Variants in RBM46 observed in about 807,000 individuals in gnomAD.
RBM46 encodes the protein RNA binding motif protein 46.
In RBM46, 12 loss-of-function variants were observed where a neutral mutation model predicts 43.3. That is an observed-to-expected ratio of 0.28 (90% CI 0.18 to 0.45). The LOEUF is 0.45. RBM46 is among the 20% of genes least tolerant of loss of function. The probability of loss-of-function intolerance (pLI) is 1.00; values close to 1 mark genes in which losing one functional copy is unlikely to be tolerated. For synonymous variants in RBM46, 205 were observed against 207.6 expected (o/e 0.99, Z 0.11); for missense variants, 412 against 639.1 (o/e 0.64, Z 3.83).
chr4:154,783,765 T>G (rs1733622864), intron 1 of RBM46, among the ~76,000 whole-genome samples: 1 of 142,956 alleles, frequency 7.0e-6, no homozygotes, highest in South Asian at 2.1e-4. Flanking sequence ...ATATTAAAAC[T>G]TTTATCCATT....
chr4:154,814,961 G>A (rs559807726), intron 4 of RBM46, among the ~76,000 whole-genome samples: 2 of 151,612 alleles, frequency 1.3e-5, no homozygotes, highest in African/African-American at 4.8e-5. Context: ...CACCACCGAG[G>A]TAAAGACATA....
intron 4 of RBM46, chr4:154,827,426 G>T: frequency 4.0e-6 from 4 of 994,760 alleles, no homozygotes; most frequent in Non-Finnish European, 4.8e-6. Context: ...CAGTCCAGGG[G>T]TGAATGTTTC....
Position 154,828,541 on chromosome 4 carries a change from CAA to C in RBM46, c.*478_*479del, listed in dbSNP as rs1736071402. 1 of 153,300 alleles carries C rather than the reference CAA, an allele frequency of 6.5e-6. No individual in the cohort carries two copies. Among genetic ancestry groups the C allele is most frequent in the African/African-American group, 2.4e-5 (1 of 41,346 alleles). 9.5% of individuals were successfully genotyped at this position (153,300 alleles called of 1,614,324 possible). On this transcript the variant is annotated 3_prime_UTR_variant, in exon 5 of 5. Transcript: ENST00000281722. ...CATTATGTAAAAAGAAATGATGAGA[CAA>C]AAAGATTAAGATACAAATTTTGTGC...
intron 1 of RBM46, among the ~76,000 whole-genome samples, chr4:154,788,348 C>G (rs183590670): frequency 4.0e-5 from 6 of 151,870 alleles, no homozygotes; most frequent in Non-Finnish European, 8.8e-5. Flanking sequence ...TAATCCATCT[C>G]GAATTAATTT....
At chr4:154,822,834 A>G (rs1735783161) in intron 4 of RBM46, among the ~76,000 whole-genome samples, 1 of 151,800 alleles carries the variant, frequency 6.6e-6, no homozygotes, top group African/African-American at 2.4e-5. Flanking sequence ...GTAAAATAGT[A>G]TAGTCTTAGC....
chr4:154,827,690 C>G, intron 4 of RBM46, 178 bp from the exon 5 acceptor site: 4 of 1,417,708 alleles, frequency 2.8e-6, no homozygotes, highest in Non-Finnish European at 3.7e-6. Flanking sequence ...ACAAAACTCT[C>G]AGGATTTGCA....
At chr4:154,797,772 C>T (rs1734424509) in intron 2 of RBM46, 39 bp from the exon 3 acceptor site, 1 of 1,322,254 alleles carries the variant, frequency 7.6e-7, no homozygotes, top group African/African-American at 1.5e-5. Flanking sequence ...TACAAATATC[C>T]AATTAGAATT....
intron 4 of RBM46, among the ~76,000 whole-genome samples, chr4:154,822,358 T>C (rs1735757982): frequency 6.6e-6 from 1 of 151,378 alleles, no homozygotes; most frequent in African/African-American, 2.4e-5. Context: ...CTTTAGATAA[T>C]TTAAAATTTC....
At chr4:154,789,285 C>G (rs978891060) in intron 1 of RBM46, among the ~76,000 whole-genome samples, 1 of 152,060 alleles carries the variant, frequency 6.6e-6, no homozygotes, top group African/African-American at 2.4e-5. Context: ...CAGTGTTCGC[C>G]CATTCAGTAT....
At chr4:154,787,357 C>T (rs1055875338) in intron 1 of RBM46, 5 of 127,578 alleles carry the variant, frequency 3.9e-5, no homozygotes, top group Admixed American at 8.4e-5. Flanking sequence ...TGACAGGCCC[C>T]GATGTGTGAT....
intron 1 of RBM46, among the ~76,000 whole-genome samples, chr4:154,796,037 G>A (rs986500227): frequency 5.3e-5 from 8 of 152,240 alleles, no homozygotes; most frequent in East Asian, 1.9e-4. Flanking sequence ...GCATGGTGGT[G>A]TGTGCCTGCA....
At chr4:154,819,950 G>A (rs1735648676) in intron 4 of RBM46, among the ~76,000 whole-genome samples, 1 of 152,020 alleles carries the variant, frequency 6.6e-6, no homozygotes, top group South Asian at 2.1e-4. Flanking sequence ...TGTTTCATAT[G>A]TAAAATAACT....
chr4:154,785,279 A>G (rs1733705407), intron 1 of RBM46, among the ~76,000 whole-genome samples: 1 of 152,068 alleles, frequency 6.6e-6, no homozygotes, highest in Non-Finnish European at 1.5e-5. Context: ...CATTGTAAGA[A>G]CCTAAATAAT....
At chr4:154,798,469 T>TA (rs1734455482) in intron 3 of RBM46, among the ~76,000 whole-genome samples, 191 bp downstream of exon 3, 1 of 152,218 alleles carries the variant, frequency 6.6e-6, no homozygotes, top group Admixed American at 6.5e-5. Context: ...GAGTCCTATT[T>TA]ATGATATTTT....
rs566855580 is a variant in RBM46 at position 154,810,398 on chromosome 4, G to C, written c.1402+10834G>C. Among the ~76,000 whole-genome samples the C allele has an allele frequency of 5.3e-5, 8 of 152,248 alleles. No individual in the cohort carries two copies. In the South Asian group the frequency reaches 8.3e-4, roughly 16 times the overall value. On this transcript the variant is annotated intron_variant, in intron 4 of 4. Coordinates refer to ENST00000281722, the MANE Select transcript of RBM46 (RefSeq NM_144979.5). ...AACCTTGACAACTTGGGTGAGCTTG[G>C]AAACGCCATAATATGTAATAGGACA...
Position 154,798,058 on chromosome 4 carries a change from T to G in RBM46, c.399T>G (p.Gly133=). ...NYEIRPGKFI[G]VCVSLDNCRL... ...AAATTCGACCAGGGAAGTTTATTGG[T>G]GTGTGTGTAAGCCTGGATAATTGTA... is the stretch of plus-strand genomic sequence containing the variant. Residue 133 remains glycine, a synonymous_variant, in exon 3 of 5, where the codon GGT becomes GGG. Transcript: ENST00000281722. 1 of 1,613,550 alleles carries G rather than the reference T, an allele frequency of 6.2e-7. No individual in the cohort carries two copies.
Position 154,810,797 on chromosome 4 carries a change from C to T in RBM46, c.1402+11233C>T, listed in dbSNP as rs140634083. ...TACCACTTGGAATATAATGGCCTTGCCATTTTCAAGCCCTCTGAGAAATTT... is the reference window on the plus strand; with the variant it reads ...TACCACTTGGAATATAATGGCCTTGTCATTTTCAAGCCCTCTGAGAAATTT... On this transcript the variant is annotated intron_variant, in intron 4 of 4. Coordinates refer to ENST00000281722, the MANE Select transcript of RBM46 (RefSeq NM_144979.5). Among the ~76,000 whole-genome samples the T allele has an allele frequency of 3.8e-3, 571 of 152,258 alleles. 3 individuals carry two copies. Among genetic ancestry groups the T allele is most frequent in the Middle Eastern group, 0.014 (4 of 294 alleles).
At chr4:154,805,112 G>A (rs1444166225) in intron 4 of RBM46, among the ~76,000 whole-genome samples, 1 of 152,072 alleles carries the variant, frequency 6.6e-6, no homozygotes, top group South Asian at 2.1e-4. Context: ...TGGTTTAATG[G>A]CAGGTAGTTC....
At chr4:154,782,738 C>A (rs1422514713) in intron 1 of RBM46, among the ~76,000 whole-genome samples, 1 of 152,202 alleles carries the variant, frequency 6.6e-6, no homozygotes, top group Admixed American at 6.5e-5. Flanking sequence ...GCTTCGGCCT[C>A]CCCAAGTGCT....
Sources: allele counts gnomAD v4.1 joint callset (sites outside exome capture counted in the v4.1 genomes callset), GRCh38; gene constraint gnomAD v4.1.1; transcripts MANE v1.5; gene names NCBI Gene and HGNC (gene_info 2026-07-23, HGNC 2026-07-21).